The following SLC5A6 variants were observed in gnomAD, a reference collection of about 807,000 sequenced individuals.
SLC5A6 encodes solute carrier family 5 member 6.
In SLC5A6, 31 loss-of-function variants were observed where a neutral mutation model predicts 67.9. That is an observed-to-expected ratio of 0.46 (90% CI 0.34 to 0.62). The LOEUF (loss-of-function observed/expected upper bound fraction) is 0.62, where lower values mean the gene tolerates loss of function less well. SLC5A6 is among the 20% of genes least tolerant of loss of function. The pLI, the probability that SLC5A6 is intolerant of heterozygous loss-of-function variation, is 0.01. For missense variants in SLC5A6, 673 were observed against 812.8 expected, an observed-to-expected ratio of 0.83 and a Z score of 2.09; for synonymous variants, 343 against 331.0, an observed-to-expected ratio of 1.04 and a Z score of -0.39.
intron 11 of SLC5A6, 121 bp downstream of exon 11, chr2:27,203,112 T>G: frequency 2.6e-6 from 4 of 1,533,672 alleles, no homozygotes; most frequent in Non-Finnish European, 3.5e-6. Flanking sequence ...GAAGGTTGTG[T>G]GCTTCATTAG....
Position 27,207,204 on chromosome 2 carries a change from T to C in SLC5A6, c.393+54A>G. On this transcript the variant is annotated intron_variant, in intron 3 of 16. Transcript: ENST00000310574. This position sits in a 1 kb window ranked among gnomAD's most constrained non-coding sequence, Gnocchi z 5.5. The stretch of plus-strand genomic sequence containing the variant: ...CAGGTCCTTCCTATGTGCCTGTCCC[T>C]CCTCTCCACCCCAACCCGTGTCCCA... 6.3e-7 allele frequency: 1 copy of C among 1,585,266 alleles called. No individual in the cohort carries two copies. Among genetic ancestry groups the C allele is most frequent in the Non-Finnish European group, 8.6e-7 (1 of 1,161,732 alleles).
chr2:27,203,056 A>C, intron 11 of SLC5A6, 176 bp from the exon 12 acceptor site: 1 of 1,488,606 alleles, frequency 6.7e-7, no homozygotes, highest in Non-Finnish European at 8.9e-7. Context: ...TGACTCAGAG[A>C]CCTCCCTAGG....
In SLC5A6 at chr2:27,205,193, A is replaced by G. The variant is rs1673965066; in HGVS notation, c.734+157T>C. The G allele has an allele frequency of 3.9e-6, 3 of 771,324 alleles. No individual in the cohort carries two copies. In the South Asian group the frequency reaches 5.5e-5, roughly 14 times the overall value. The allele number at this position is 771,324 out of a possible 1,614,324, so 47.8% of individuals were successfully genotyped here. A position where few individuals can be genotyped will look rare whatever the true frequency, so the allele number is the denominator to read the frequency against. ...TATAAACACTAGCCGGGCACCTGTA[A>G]TCACCCTCCATCTCTGCAGGACCAG... On this transcript the variant is annotated intron_variant, in intron 7 of 16. Transcript: ENST00000310574.
At position 27,207,720 on chromosome 2, in the gene SLC5A6, T is replaced by C; in HGVS notation, c.-70A>G. ...CTCTGGGGTAGGGCAGGGGCGGATG[T>C]GTGGCTACAATCTGGCTTCCAGCCA... On this transcript the variant is annotated 5_prime_UTR_variant, in exon 3 of 17. Transcript: ENST00000310574. The surrounding 1 kb of genome is among the most constrained non-coding windows in gnomAD (Gnocchi z 5.5). 6.9e-7 allele frequency: 1 copy of C among 1,446,750 alleles called. No homozygotes were observed. The highest frequency in any genetic ancestry group is 2.3e-5 in the East Asian group (1 of 43,720). 89.6% of individuals were successfully genotyped at this position (1,446,750 alleles called of 1,614,324 possible).
rs1403316988 is a variant in SLC5A6 at position 27,212,152 on chromosome 2, G to C, written c.-340C>G. Reference sequence around the variant, plus strand: ...GGCGACGGGGGAGGCCTTCACTAAAGGGGAAAAGGAAGAGGGGGTCGGCCA... The same window carrying C: ...GGCGACGGGGGAGGCCTTCACTAAACGGGAAAAGGAAGAGGGGGTCGGCCA... On this transcript the variant is annotated 5_prime_UTR_variant, in exon 1 of 17. Transcript: ENST00000310574. 6.5e-7 allele frequency: 1 copy of C among 1,532,186 alleles called. No individual in the cohort carries two copies. The highest frequency in any genetic ancestry group is 8.8e-7 in the Non-Finnish European group (1 of 1,141,404). The allele number at this position is 1,532,186 out of a possible 1,614,324, so 94.9% of individuals were successfully genotyped here.
At chr2:27,205,050 A>G (rs2148005715) in intron 7 of SLC5A6, 119 bp from the exon 8 acceptor site, 2 of 1,212,724 alleles carry the variant, frequency 1.6e-6, no homozygotes, top group Non-Finnish European at 2.3e-6. Flanking sequence ...GCCAAGGGGG[A>G]CACTGAAAGC....
Position 27,200,264 on chromosome 2 carries a change from A to C in SLC5A6, c.*172T>G, listed in dbSNP as rs972371901. 2 of 544,248 alleles carry C rather than the reference A, an allele frequency of 3.7e-6. No individual in the cohort carries two copies. Among genetic ancestry groups the C allele is most frequent in the African/African-American group, 3.8e-5 (2 of 52,232 alleles). 33.7% of individuals were successfully genotyped at this position (544,248 alleles called of 1,614,324 possible). ...AAAAACGGTGCCTCACATGCTTGAG[A>C]TGTGACAGCTTCTCCTGCAGGCAAG... On this transcript the variant is annotated 3_prime_UTR_variant, in exon 17 of 17. Transcript: ENST00000310574.
chr2:27,212,584 C>T (rs993655060), upstream of SLC5A6: 5 of 1,459,010 alleles, frequency 3.4e-6, no homozygotes, highest in African/African-American at 2.9e-5. Flanking sequence ...TCGTCCCTGA[C>T]GCTTCCCGAC....
chr2:27,201,630 T>G lies in SLC5A6; in HGVS notation c.1544+36A>C, dbSNP rs192806302. 2.5e-6 allele frequency: 4 copies of G among 1,602,780 alleles called. No individual in the cohort carries two copies. The Admixed American group carries it at 6.7e-5, about 27-fold the overall frequency. ...CCTGTGAAAGCCCTCAAAGGAGGGCTTTGAGAAAACAAGAAGATAGCAAGC... is the reference window on the plus strand; with the variant it reads ...CCTGTGAAAGCCCTCAAAGGAGGGCGTTGAGAAAACAAGAAGATAGCAAGC... On this transcript the variant is annotated intron_variant, in intron 14 of 16. Transcript: ENST00000310574.
chr2:27,205,935 T>A (rs1558509511), intron 6 of SLC5A6, 91 bp downstream of exon 6: 2 of 985,028 alleles, frequency 2.0e-6, no homozygotes, highest in Non-Finnish European at 3.2e-6. Context: ...CTCATCTATA[T>A]TCTCAGCTTA....
intron 3 of SLC5A6, 21 bp from the exon 4 acceptor site, chr2:27,206,963 AT>A: frequency 2.5e-6 from 4 of 1,594,076 alleles, no homozygotes; most frequent in Non-Finnish European, 3.4e-6. Context: ...AGAAAAAAAG[AT>A]TTTTCTCCTG....
In SLC5A6 at chr2:27,204,134, T is replaced by C. The variant is rs1354419097; in HGVS notation, c.1006-267A>G. Among the ~76,000 whole-genome samples the C allele has an allele frequency of 2.6e-5, 4 of 152,170 alleles. No homozygotes were observed. In the East Asian group the frequency reaches 7.7e-4, roughly 29 times the overall value. Reference sequence around the variant, plus strand: ...TGACTTCTGCTTACTGGCTACCTCATTGAGTCTGTTTTCTCCTCTGTGAAA... The same window carrying C: ...TGACTTCTGCTTACTGGCTACCTCACTGAGTCTGTTTTCTCCTCTGTGAAA... On this transcript the variant is annotated intron_variant, in intron 9 of 16. Coordinates refer to ENST00000310574, the MANE Select transcript of SLC5A6 (RefSeq NM_021095.4).
intron 13 of SLC5A6, 59 bp from the exon 14 acceptor site, chr2:27,201,906 C>A: frequency 1.2e-6 from 2 of 1,608,988 alleles, no homozygotes; most frequent in South Asian, 1.1e-5. Context: ...TCACGGCAGT[C>A]CTCAGCTCTC....
chr2:27,207,374 A>T lies in SLC5A6; in HGVS notation c.277T>A (p.Tyr93Asn). 1 of 1,614,208 alleles carries T rather than the reference A, an allele frequency of 6.2e-7. No homozygotes were observed. The highest frequency in any genetic ancestry group is 8.5e-7 in the Non-Finnish European group (1 of 1,180,028). The change falls in exon 3 of 17, where the codon TAC (tyrosine) becomes AAC (asparagine). Residue 93 changes from tyrosine to asparagine, a missense_variant. Transcript: ENST00000310574. The surrounding 1 kb of genome is among the most constrained non-coding windows in gnomAD (Gnocchi z 5.5). ...VAILGVPSEI[Y>N]RFGTQYWFLG... ...AACCAATATTGGGTCCCAAATCGGT[A>T]GATCTCTGACGGCACACCCAGGATG...
chr2:27,201,274 C>G, intron 15 of SLC5A6, 76 bp downstream of exon 15: 3 of 1,077,100 alleles, frequency 2.8e-6, no homozygotes, highest in Admixed American at 1.9e-5. Context: ...AGGGCAGGAG[C>G]CTTTCTCCCT....
chr2:27,207,153 C>G lies in SLC5A6; in HGVS notation c.393+105G>C. On this transcript the variant is annotated intron_variant, in intron 3 of 16. Transcript: ENST00000310574. This position sits in a 1 kb window ranked among gnomAD's most constrained non-coding sequence, Gnocchi z 5.5. ...CACACAATGAGTTTTCTGTCCCTCT[C>G]ATTAGGTGGAGGAGGTCTAGGGTCC... The G allele has an allele frequency of 8.0e-7, 1 of 1,243,160 alleles. No individual in the cohort carries two copies. The highest frequency in any genetic ancestry group is 1.2e-6 in the Non-Finnish European group (1 of 867,734). The allele number at this position is 1,243,160 out of a possible 1,614,324, so 77.0% of individuals were successfully genotyped here. A position where few individuals can be genotyped will look rare whatever the true frequency, so the allele number is the denominator to read the frequency against.
Position 27,212,049 on chromosome 2 carries a change from GC to G in SLC5A6, c.-238del. On this transcript the variant is annotated 5_prime_UTR_variant, in exon 1 of 17. An upstream open reading frame in the 5' UTR gains an earlier in-frame stop. Transcript: ENST00000310574. ...GGCGGATGGAGGGGCCCGAGTTTCT[GC>G]GAAGCCGCGACCTCGGCGTCCGGAC... 3 of 1,025,990 alleles carry G rather than the reference GC, an allele frequency of 2.9e-6. No individual in the cohort carries two copies. The highest frequency in any genetic ancestry group is 2.7e-6 in the Non-Finnish European group (2 of 729,312). The allele number at this position is 1,025,990 out of a possible 1,614,324, so 63.6% of individuals were successfully genotyped here.
intron 9 of SLC5A6, 127 bp from the exon 10 acceptor site, chr2:27,203,994 C>T (rs1330374020): frequency 8.8e-6 from 6 of 679,012 alleles, no homozygotes; most frequent in Non-Finnish European, 1.6e-5. Context: ...ACAAGGGAAG[C>T]CAGGGCCTGG....
In SLC5A6 at chr2:27,206,546, G is replaced by A. The variant is rs1192508552; in HGVS notation, c.460-12C>T. Reference sequence around the variant, plus strand: ...CCCATGTAGATCACCTGTTGCATGTGGAAAAAATGTGATGGGGGCCGGAGA... The same window carrying A: ...CCCATGTAGATCACCTGTTGCATGTAGAAAAAATGTGATGGGGGCCGGAGA... On this transcript the variant is annotated splice_polypyrimidine_tract_variant and intron_variant, in intron 4 of 16. Coordinates refer to ENST00000310574, the MANE Select transcript of SLC5A6 (RefSeq NM_021095.4). 1.9e-6 allele frequency: 3 copies of A among 1,613,480 alleles called. No individual in the cohort carries two copies. Among genetic ancestry groups the A allele is most frequent in the East Asian group, 4.5e-5 (2 of 44,884 alleles).
Sources: gnomAD v4.1 joint callset for allele counts (sites outside exome capture counted in the v4.1 genomes callset) on GRCh38, gnomAD v4.1.1 for gene constraint, Gnocchi (gnomAD v3.1) non-coding constraint, MANE v1.5 for transcripts, NCBI Gene and HGNC (gene_info 2026-07-23, HGNC 2026-07-21) for gene names.